WNK1: variants seen among roughly 807,000 people sequenced by gnomAD.
The protein encoded by WNK1 is WNK lysine deficient protein kinase 1, also known as serine/threonine-protein kinase WNK1.
WNK1 carries 38 observed loss-of-function variants against 222.8 expected under a neutral mutation model. That is an observed-to-expected ratio of 0.17 (90% CI 0.13 to 0.22). WNK1 has a LOEUF of 0.22. WNK1 is among the 10% of genes least tolerant of loss of function. WNK1 has a pLI of 1.00. For synonymous variants in WNK1, 1,090 were observed against 1,092.9 expected, an observed-to-expected ratio of 1.00 and a Z score of 0.05; for missense variants, 2,348 against 2,918.4, an observed-to-expected ratio of 0.80 and a Z score of 4.50.
chr12:896,471 A>C lies in WNK1; in HGVS notation c.5984A>C (p.Lys1995Thr). 6.2e-7 allele frequency: 1 copy of C among 1,613,980 alleles called. No homozygotes were observed. The highest frequency in any genetic ancestry group is 8.5e-7 in the Non-Finnish European group (1 of 1,180,004). Residue 1995 changes from lysine to threonine, a missense_variant, in exon 24 of 28, where the codon AAG becomes ACG. Coordinates refer to ENST00000315939, the MANE Select transcript of WNK1 (RefSeq NM_018979.4). ...EQAVLPAVIP[K>T]KEKPELSEPS... The stretch of plus-strand genomic sequence containing the variant: ...GCTGTTCTTCCTGCTGTGATACCAA[A>C]GAAAGAGAAGCCTGAACTGTCAGAG...
At chr12:771,409 G>C (rs1265246620) in intron 1 of WNK1, among the ~76,000 whole-genome samples, 2 of 152,078 alleles carry the variant, frequency 1.3e-5, no homozygotes, top group Non-Finnish European at 2.9e-5. Context: ...TTGGTTTTTG[G>C]TGTCTGTCTC....
At chr12:892,605 G>A (rs1954355667) in intron 22 of WNK1, among the ~76,000 whole-genome samples, 1 of 152,106 alleles carries the variant, frequency 6.6e-6, no homozygotes, top group Admixed American at 6.5e-5. Context: ...TGTGGGAGGG[G>A]GAGGGGTATG....
At chr12:836,011 G>A (rs1303302257) in intron 4 of WNK1, among the ~76,000 whole-genome samples, 1 of 152,108 alleles carries the variant, frequency 6.6e-6, no homozygotes, top group Non-Finnish European at 1.5e-5. Context: ...AGAATAGATG[G>A]GAGATAAAGG....
At chr12:844,959 G>A (rs1320684192) in intron 4 of WNK1, among the ~76,000 whole-genome samples, 12 of 141,106 alleles carry the variant, frequency 8.5e-5, no homozygotes, top group Admixed American at 3.6e-4. Context: ...GCAGTGGCGG[G>A]ATCTCGGCTC....
chr12:874,395 C>T (rs553833581), intron 9 of WNK1, among the ~76,000 whole-genome samples: 1 of 152,240 alleles, frequency 6.6e-6, no homozygotes, highest in Admixed American at 6.5e-5. Context: ...TAACATTAAC[C>T]GTTAGCCATT....
Position 896,576 on chromosome 12 carries a change from C to G in WNK1, c.6089C>G (p.Pro2030Arg), listed in dbSNP as rs777398216. 20 of 1,611,590 alleles carry G rather than the reference C, an allele frequency of 1.2e-5. No homozygotes were observed. The highest frequency in any genetic ancestry group is 3.3e-4 in the Middle Eastern group (2 of 6,060). Reference sequence around the variant, plus strand: ...GATGTGGATGATGGTTCCGGTAGTCCACACTCGCCCCATCAGCTGAGCTCA... The same window carrying G: ...GATGTGGATGATGGTTCCGGTAGTCGACACTCGCCCCATCAGCTGAGCTCA... Reference protein sequence around the residue: ...SRDVDDGSGSPHSPHQLSSKS... With the variant: ...SRDVDDGSGSRHSPHQLSSKS... Residue 2030 changes from proline to arginine, a missense_variant, in exon 24 of 28, where the codon CCA becomes CGA. Physicochemically the swap from Pro to Arg is moderately radical, Grantham distance 103. Around this residue, in one of 13 missense-constraint regions of WNK1, gnomAD observed 1,144 missense variants for 1,273.6 expected, o/e 0.90. Coordinates refer to ENST00000315939, the MANE Select transcript of WNK1 (RefSeq NM_018979.4).
intron 1 of WNK1, among the ~76,000 whole-genome samples, chr12:790,064 C>G (rs992274409): frequency 6.6e-6 from 1 of 152,038 alleles, no homozygotes; most frequent in Non-Finnish European, 1.5e-5. Flanking sequence ...GATACTTAAA[C>G]CAAATAAAGG....
At chr12:799,686 T>G (rs1261405676) in intron 1 of WNK1, among the ~76,000 whole-genome samples, 1 of 151,794 alleles carries the variant, frequency 6.6e-6, no homozygotes, top group Non-Finnish European at 1.5e-5. Context: ...TACAAAAAGT[T>G]TTTATTTATT....
At chr12:868,052 C>T (rs1283697481) in intron 8 of WNK1, 2 of 1,613,916 alleles carry the variant, frequency 1.2e-6, no homozygotes, top group African/African-American at 1.3e-5. Flanking sequence ...CTTCCAACCC[C>T]TGCTGAGGAC....
chr12:831,792 G>A (rs556667609), intron 4 of WNK1, among the ~76,000 whole-genome samples: 2 of 151,518 alleles, frequency 1.3e-5, no homozygotes, highest in African/African-American at 4.8e-5. Context: ...TCCCTCTGAG[G>A]TCCCCAATAA....
At chr12:819,961 A>G (rs544941529) in intron 2 of WNK1, among the ~76,000 whole-genome samples, 6 of 152,264 alleles carry the variant, frequency 3.9e-5, no homozygotes, top group South Asian at 2.1e-4. Flanking sequence ...TCTGATTACT[A>G]TAGTAATTTT....
At position 831,996 on chromosome 12, in the gene WNK1, A is replaced by T. The variant is rs558857463; in HGVS notation, c.1311+1836A>T. Reference sequence around the variant, plus strand: ...AGTGATGTAATTTAATTGAATTTTGATATAGAAGATGTAATTATCAATTGC... The same window carrying T: ...AGTGATGTAATTTAATTGAATTTTGTTATAGAAGATGTAATTATCAATTGC... On this transcript the variant is annotated intron_variant, in intron 4 of 27. Coordinates refer to ENST00000315939, the MANE Select transcript of WNK1 (RefSeq NM_018979.4). Among the ~76,000 whole-genome samples the T allele has an allele frequency of 5.3e-5, 8 of 151,990 alleles. No individual in the cohort carries two copies. The South Asian group carries it at 1.7e-3, about 32-fold the overall frequency.
At chr12:783,084 T>C (rs1408400719) in intron 1 of WNK1, among the ~76,000 whole-genome samples, 11 of 151,530 alleles carry the variant, frequency 7.3e-5, no homozygotes, top group African/African-American at 2.2e-4. Context: ...TTAAATTTTT[T>C]TGTAGAGACG....
At chr12:876,638 C>A (rs570188606) in intron 9 of WNK1, among the ~76,000 whole-genome samples, 15 of 152,138 alleles carry the variant, frequency 9.9e-5, no homozygotes, top group African/African-American at 3.6e-4. Flanking sequence ...CAGCAGTAAC[C>A]AATTAGTCGT....
chr12:760,092 A>G (rs1591573082), intron 1 of WNK1, among the ~76,000 whole-genome samples: 1 of 148,144 alleles, frequency 6.8e-6, no homozygotes, highest in Admixed American at 6.7e-5. Context: ...TAAATTCCTT[A>G]GCTCTACCTG....
intron 1 of WNK1, among the ~76,000 whole-genome samples, chr12:773,715 C>A (rs1180047649): frequency 6.6e-6 from 1 of 152,004 alleles, no homozygotes; most frequent in East Asian, 1.9e-4. Context: ...AAATTCTGCC[C>A]TTGTGAAACT....
At chr12:859,152 T>G in intron 5 of WNK1, 93 bp from the exon 6 acceptor site, 1 of 1,114,126 alleles carries the variant, frequency 9.0e-7, no homozygotes, top group Non-Finnish European at 1.3e-6. Flanking sequence ...TTTTTTCTTC[T>G]GCGAATAACA....
intron 21 of WNK1, 103 bp from the exon 22 acceptor site, chr12:890,348 ACT>A: frequency 9.2e-7 from 1 of 1,092,208 alleles, no homozygotes; most frequent in Non-Finnish European, 1.4e-6. Flanking sequence ...CATCACATAT[ACT>A]GTCTTTCTGC....
At chr12:888,263 A>C (rs72650747) in intron 20 of WNK1, among the ~76,000 whole-genome samples, 153 of 152,326 alleles carry the variant, frequency 1.0e-3, no homozygotes, top group African/African-American at 3.5e-3. Flanking sequence ...AACTTGCCAC[A>C]ATGAAGTAAA....
Sources: allele counts gnomAD v4.1 joint callset (sites outside exome capture counted in the v4.1 genomes callset), GRCh38; gene constraint gnomAD v4.1.1; regional missense constraint gnomAD v4.1.1; transcripts MANE v1.5; gene names NCBI Gene and HGNC (gene_info 2026-07-23, HGNC 2026-07-21).